The following MAGI1 variants were observed in gnomAD, a reference collection of about 807,000 sequenced individuals.
The protein encoded by MAGI1 is membrane-associated guanylate kinase, WW and PDZ domain-containing protein 1.
MAGI1 carries 58 observed loss-of-function variants against 139.9 expected under a neutral mutation model. The observed-to-expected ratio is 0.41, with a 90% CI of 0.34 to 0.52. The LOEUF (loss-of-function observed/expected upper bound fraction) is 0.52. MAGI1 is among the 20% of genes least tolerant of loss of function. The pLI is 0.12. For synonymous variants in MAGI1, 812 were observed against 737.9 expected (o/e 1.10, Z -1.63); for missense variants, 1,874 against 1,901.6 (o/e 0.99, Z 0.27).
At chr3:65,601,577 C>T (rs567953813) in intron 2 of MAGI1, among the ~76,000 whole-genome samples, 1 of 151,988 alleles carries the variant, frequency 6.6e-6, no homozygotes, top group East Asian at 1.9e-4. Flanking sequence ...TGGATATCCA[C>T]ATGCAAAAGA....
intron 1 of MAGI1, among the ~76,000 whole-genome samples, chr3:65,923,823 A>T (rs1350910161): frequency 6.6e-6 from 1 of 152,184 alleles, no homozygotes; most frequent in African/African-American, 2.4e-5. Flanking sequence ...CTCTCTCCAT[A>T]TGCAAAAAAG....
rs191686185 is a variant in MAGI1, at chr3:65,795,313, A to G, written c.314-173225T>C. Among the ~76,000 whole-genome samples the G allele has an allele frequency of 4.5e-4, 69 of 152,332 alleles. No individual in the cohort carries two copies. In the East Asian group the frequency reaches 7.5e-3, roughly 17 times the overall value. ...TCTTCAATAGCTGAGTGGCTAAAAA[A>G]AAAGTATGGCTCATCCATACCATGT... On this transcript the variant is annotated intron_variant, in intron 1 of 22. Transcript: ENST00000402939.
intron 18 of MAGI1, among the ~76,000 whole-genome samples, chr3:65,367,162 G>T (rs1222867968): frequency 6.6e-6 from 1 of 152,154 alleles, no homozygotes; most frequent in East Asian, 1.9e-4. Flanking sequence ...TCACAATCAG[G>T]ATACTAAAAA....
intron 1 of MAGI1, among the ~76,000 whole-genome samples, chr3:65,734,523 GAA>G (rs1250616112): frequency 2.7e-5 from 4 of 149,238 alleles, no homozygotes; most frequent in Non-Finnish European, 5.9e-5. Flanking sequence ...AAGAAAGAGA[GAA>G]AGAGAGAGGG....
intron 1 of MAGI1, among the ~76,000 whole-genome samples, chr3:65,748,256 C>T (rs1006205278): frequency 3.3e-5 from 5 of 152,164 alleles, no homozygotes; most frequent in African/African-American, 9.7e-5. Flanking sequence ...ACAAAAACTG[C>T]CCTCAAAGAG....
At chr3:65,779,534 A>G (rs1474633430) in intron 1 of MAGI1, among the ~76,000 whole-genome samples, 1 of 152,252 alleles carries the variant, frequency 6.6e-6, no homozygotes, top group Non-Finnish European at 1.5e-5. Flanking sequence ...TTAGAAAGGT[A>G]AAGTTGAATC....
At chr3:65,403,700 GA>G (rs1366774005) in intron 12 of MAGI1, among the ~76,000 whole-genome samples, 1 of 152,176 alleles carries the variant, frequency 6.6e-6, no homozygotes, top group African/African-American at 2.4e-5. Context: ...TAGAGTCAGG[GA>G]AAATGGTTTC....
chr3:65,391,289 T>C lies in MAGI1; in HGVS notation c.2269A>G (p.Thr757Ala). Residue 757 changes from threonine (T) to alanine (A), a missense_variant, in exon 14 of 23, where the codon ACA becomes GCA. Around this residue, in one of 5 missense-constraint regions of MAGI1, gnomAD observed 482 missense variants for 509.6 expected, o/e 0.95. Transcript: ENST00000402939. ...TGTGTGCTGTGGCTTGGGGATGCTGTGTGCAGGCTTCGGTGGCTGGAAACA... is the reference window on the plus strand; with the variant it reads ...TGTGTGCTGTGGCTTGGGGATGCTGCGTGCAGGCTTCGGTGGCTGGAAACA... ...HSVSSHRSLH[T>A]ASPSHSTQVL... The C allele has an allele frequency of 6.2e-7, 1 of 1,614,196 alleles. No homozygotes were observed. Among genetic ancestry groups the C allele is most frequent in the South Asian group, 1.1e-5 (1 of 91,070 alleles).
chr3:65,818,215 T>C (rs941206303), intron 1 of MAGI1, among the ~76,000 whole-genome samples: 2 of 152,210 alleles, frequency 1.3e-5, no homozygotes. Context: ...AGTTATCACA[T>C]ACATTTTTCT....
At chr3:65,696,659 C>A (rs1302184835) in intron 1 of MAGI1, among the ~76,000 whole-genome samples, 1 of 151,882 alleles carries the variant, frequency 6.6e-6, no homozygotes, top group African/African-American at 2.4e-5. Context: ...ACAGAATTTC[C>A]TAACATTTGT....
chr3:66,016,693 G>C (rs1328179934), intron 1 of MAGI1, among the ~76,000 whole-genome samples: 1 of 152,190 alleles, frequency 6.6e-6, no homozygotes, highest in African/African-American at 2.4e-5. Context: ...GACTCCACCT[G>C]CTTCCAAGGG....
chr3:65,840,087 T>C (rs938247400), intron 1 of MAGI1, among the ~76,000 whole-genome samples: 3 of 152,152 alleles, frequency 2.0e-5, no homozygotes, highest in African/African-American at 7.2e-5. Flanking sequence ...GAAATAGCAT[T>C]GATTTTTGTA....
chr3:65,521,133 AG>A (rs1259123380), intron 2 of MAGI1, among the ~76,000 whole-genome samples: 8 of 152,196 alleles, frequency 5.3e-5, no homozygotes, highest in Admixed American at 5.2e-4. Context: ...TTCAAACAGA[AG>A]GATCAATTTA....
chr3:65,615,095 A>G (rs2083302891), intron 2 of MAGI1, among the ~76,000 whole-genome samples: 1 of 152,088 alleles, frequency 6.6e-6, no homozygotes, highest in Non-Finnish European at 1.5e-5. Flanking sequence ...AAGGTGGAGT[A>G]TCAATAGAAG....
intron 5 of MAGI1, among the ~76,000 whole-genome samples, chr3:65,460,339 A>C (rs1040489032): frequency 2.0e-5 from 3 of 152,214 alleles, no homozygotes; most frequent in Non-Finnish European, 4.4e-5. Flanking sequence ...TTTGTTATCA[A>C]GGTAATATTA....
Position 65,364,867 on chromosome 3 carries a change from C to T in MAGI1, c.3276G>A (p.Gly1092=), listed in dbSNP as rs756728787. The T allele has an allele frequency of 1.9e-6, 3 of 1,614,050 alleles. No individual in the cohort carries two copies. Among genetic ancestry groups the T allele is most frequent in the South Asian group, 1.1e-5 (1 of 91,074 alleles). Residue 1092 remains glycine (G), a synonymous_variant, in exon 19 of 23, where the codon GGG becomes GGA. Coordinates refer to ENST00000402939, the MANE Select transcript of MAGI1 (RefSeq NM_001033057.2). The stretch of plus-strand genomic sequence containing the variant: ...TCATGTCTGACCTTGTCTCCTGGGT[C>T]CCTTGCTGAGAAGGGGTGTGTGTGG... ...ITTTHTPSQQ[G]TQETRNTTKP...
intron 1 of MAGI1, among the ~76,000 whole-genome samples, chr3:65,759,705 TC>T (rs1208410883): frequency 3.3e-5 from 5 of 152,224 alleles, no homozygotes; most frequent in African/African-American, 4.8e-5. Flanking sequence ...AGAAAGGTCT[TC>T]ATTTCAACGT....
chr3:65,620,402 A>C (rs1241469063), intron 2 of MAGI1, among the ~76,000 whole-genome samples: 1 of 152,170 alleles, frequency 6.6e-6, no homozygotes, highest in Non-Finnish European at 1.5e-5. Context: ...AAAGACCCCC[A>C]ACTTCAAAGG....
At chr3:65,359,347 G>C (rs568490726) in intron 22 of MAGI1, 1 of 1,373,142 alleles carries the variant, frequency 7.3e-7, no homozygotes. Flanking sequence ...TGCAGAGACC[G>C]CAATCGGAAC....
Sources: gnomAD v4.1 joint callset for allele counts (sites outside exome capture counted in the v4.1 genomes callset) on GRCh38, gnomAD v4.1.1 for gene constraint, gnomAD v4.1.1 regional missense constraint, MANE v1.5 for transcripts, NCBI Gene and HGNC (gene_info 2026-07-23, HGNC 2026-07-21) for gene names.